The following FER variants were observed in gnomAD, a reference collection of about 807,000 sequenced individuals.
FER encodes the protein tyrosine-protein kinase Fer.
Under a neutral mutation model 111.0 loss-of-function variants are expected in FER, and 63 were observed. The ratio of observed to expected loss-of-function variants is 0.57; its 90% CI spans 0.46 to 0.70. The LOEUF (loss-of-function observed/expected upper bound fraction) is 0.70. Among genes scored for constraint, FER ranks in the 30% least tolerant of loss-of-function variants. FER has a pLI of 0.00. For missense variants in FER, 914 were observed against 954.0 expected (o/e 0.96, Z 0.55); for synonymous variants, 327 against 313.9 (o/e 1.04, Z -0.44).
intron 1 of FER, among the ~76,000 whole-genome samples, chr5:108,758,544 T>G (rs2149923681): frequency 6.6e-6 from 1 of 152,328 alleles, no homozygotes; most frequent in East Asian, 1.9e-4. Context: ...CTCTGTGACA[T>G]TTCTTTCAGT....
chr5:108,899,824 G>T (rs961970198), intron 10 of FER, among the ~76,000 whole-genome samples: 1 of 151,106 alleles, frequency 6.6e-6, no homozygotes, highest in Non-Finnish European at 1.5e-5. Context: ...AAAAAATTCT[G>T]ATCATCTGGA....
intron 18 of FER, among the ~76,000 whole-genome samples, chr5:109,184,404 C>A (rs1035554473): frequency 1.3e-5 from 2 of 152,118 alleles, no homozygotes; most frequent in African/African-American, 2.4e-5. Flanking sequence ...TAGCCAAATG[C>A]TATACAATTG....
chr5:108,982,683 T>G (rs1762135394), intron 13 of FER, among the ~76,000 whole-genome samples: 1 of 152,116 alleles, frequency 6.6e-6, no homozygotes, highest in Admixed American at 6.6e-5. Flanking sequence ...TTTGTAAGAA[T>G]TATAATTCTT....
At chr5:108,979,706 T>G (rs1459011901) in intron 13 of FER, among the ~76,000 whole-genome samples, 1 of 150,928 alleles carries the variant, frequency 6.6e-6, no homozygotes, top group African/African-American at 2.5e-5. Context: ...TGTGAGCCAA[T>G]TTTTCTATGT....
intron 10 of FER, among the ~76,000 whole-genome samples, chr5:108,923,643 G>T (rs1195947215): frequency 6.6e-6 from 1 of 152,204 alleles, no homozygotes; most frequent in East Asian, 1.9e-4. Flanking sequence ...TATAGAATAG[G>T]TTATCAAAAG....
intron 16 of FER, among the ~76,000 whole-genome samples, chr5:109,099,105 C>T: frequency 6.6e-6 from 1 of 151,478 alleles, no homozygotes; most frequent in Non-Finnish European, 1.5e-5. Flanking sequence ...GGCTTAATAT[C>T]TGGGGGCCTA....
intron 17 of FER, among the ~76,000 whole-genome samples, chr5:109,170,768 AC>A (rs2126795648): frequency 6.6e-6 from 1 of 152,126 alleles, no homozygotes; most frequent in East Asian, 1.9e-4. Flanking sequence ...CTTTTAACTT[AC>A]CCTCTGAGTG....
In FER at chr5:108,861,848, T is replaced by C. The variant is rs538278007; in HGVS notation, c.482-5919T>C. Among the ~76,000 whole-genome samples, 24 of 152,340 alleles carry C rather than the reference T, an allele frequency of 1.6e-4. No homozygotes were observed. In the South Asian group the frequency reaches 4.8e-3, roughly 30 times the overall value. On this transcript the variant is annotated intron_variant, in intron 5 of 19. Transcript: ENST00000281092. ...TATTAACATTTCTGAAATTGACTTA[T>C]GTATCCTGTATAGCACCCTAAACAT...
At chr5:109,024,767 T>A (rs2149839960) in intron 13 of FER, among the ~76,000 whole-genome samples, 1 of 152,304 alleles carries the variant, frequency 6.6e-6, no homozygotes, top group East Asian at 1.9e-4. Context: ...CATGTTTAAG[T>A]CTTTAATCCA....
In FER at chr5:108,845,006, A is replaced by G. The variant is rs1460154069; in HGVS notation, c.481+9199A>G. Among the ~76,000 whole-genome samples the G allele has an allele frequency of 4.8e-3, 86 of 17,918 alleles. 1 individual carries two copies. Among genetic ancestry groups the G allele is most frequent in the African/African-American group, 0.018 (74 of 4,174 alleles). The allele number at this position is 17,918 out of a possible 152,430, so 11.8% of individuals were successfully genotyped here. ...CTGGTGTGTGTGTGTGTATATATAT[A>G]TATATATATATATATATATATATAT... is the stretch of plus-strand genomic sequence containing the variant. On this transcript the variant is annotated intron_variant, in intron 5 of 19. Transcript: ENST00000281092.
In FER at chr5:108,867,916, T is replaced by C; in HGVS notation, c.631T>C (p.Leu211=). The change falls in exon 6 of 20, where the codon TTA becomes CTA. Residue 211 remains leucine (L), a synonymous_variant. Coordinates refer to ENST00000281092, the MANE Select transcript of FER (RefSeq NM_005246.4). Reference sequence around the variant, plus strand: ...CACACTTCCCCTGCTTCTGGACTCCTTACAAAAGATGCAAGAAGAAATGAT... The same window carrying C: ...CACACTTCCCCTGCTTCTGGACTCCCTACAAAAGATGCAAGAAGAAATGAT... The part of the protein sequence containing the change: ...DITLPLLLDS[L]QKMQEEMIKA... 1.2e-6 allele frequency: 2 copies of C among 1,609,908 alleles called. No homozygotes were observed. Among genetic ancestry groups the C allele is most frequent in the Non-Finnish European group, 1.7e-6 (2 of 1,178,748 alleles).
chr5:108,953,754 C>T (rs1758060933), intron 11 of FER, among the ~76,000 whole-genome samples: 1 of 151,944 alleles, frequency 6.6e-6, no homozygotes, highest in Non-Finnish European at 1.5e-5. Flanking sequence ...CTGATTTTTC[C>T]AATTTATAAA....
intron 10 of FER, among the ~76,000 whole-genome samples, chr5:108,921,385 C>T (rs1752998853): frequency 6.6e-6 from 1 of 152,042 alleles, no homozygotes; most frequent in African/African-American, 2.4e-5. Context: ...CTTCTATAAT[C>T]CCTGCTTGTT....
At chr5:108,858,913 G>C (rs1763257860) in intron 5 of FER, among the ~76,000 whole-genome samples, 1 of 151,018 alleles carries the variant, frequency 6.6e-6, no homozygotes, top group South Asian at 2.1e-4. Context: ...CTAATTATAT[G>C]TACTCCTACT....
chr5:108,879,701 A>AAAAATATATATATATATATATATATATAT, intron 8 of FER, among the ~76,000 whole-genome samples: 8 of 99,084 alleles, frequency 8.1e-5, no homozygotes, highest in African/African-American at 3.8e-4. Flanking sequence ...ATTAAAAAAA[A>AAAAATATATATATATATATATATATATAT]ATATATATAT....
At chr5:109,080,931 G>A (rs1477447325) in intron 16 of FER, among the ~76,000 whole-genome samples, 5 of 152,040 alleles carry the variant, frequency 3.3e-5, no homozygotes, top group Non-Finnish European at 7.4e-5. Flanking sequence ...GCTGGGTAGC[G>A]AGGATGGAAG....
At chr5:108,944,196 A>G (rs1276477184) in intron 10 of FER, among the ~76,000 whole-genome samples, 1 of 152,122 alleles carries the variant, frequency 6.6e-6, no homozygotes, top group Non-Finnish European at 1.5e-5. Context: ...TTCTTAAATG[A>G]GATGCGAAAC....
chr5:109,014,449 T>G (rs1766753604), intron 13 of FER, among the ~76,000 whole-genome samples: 1 of 152,160 alleles, frequency 6.6e-6, no homozygotes, highest in Non-Finnish European at 1.5e-5. Context: ...ATATCTCTGT[T>G]TTGGTACCAG....
Position 108,952,878 on chromosome 5 carries a change from G to A in FER, c.1330-1851G>A, listed in dbSNP as rs78097802. On this transcript the variant is annotated intron_variant, in intron 11 of 19. Transcript: ENST00000281092. ...ATTGGCTAGGACAAGAAATCAACAG[G>A]TAGCATCCTTGTTTGGGATGCTTTC... Among the ~76,000 whole-genome samples, 1,133 of 152,114 alleles carry A rather than the reference G, an allele frequency of 7.4e-3. 14 individuals carry two copies. The highest frequency in any genetic ancestry group is 0.025 in the African/African-American group (1,058 of 41,524).
Sources: gnomAD v4.1 joint callset for allele counts (sites outside exome capture counted in the v4.1 genomes callset) on GRCh38, gnomAD v4.1.1 for gene constraint, MANE v1.5 for transcripts, NCBI Gene and HGNC (gene_info 2026-07-23, HGNC 2026-07-21) for gene names.